Variants in PRL observed in about 807,000 individuals in gnomAD.
The protein encoded by PRL is prolactin.
In PRL, 24 loss-of-function variants were observed where a neutral mutation model predicts 21.3. The ratio of observed to expected loss-of-function variants is 1.13; its 90% CI spans 0.82 to 1.59. The LOEUF (loss-of-function observed/expected upper bound fraction) is 1.59, where lower values mean the gene tolerates loss of function less well. PRL is among the 40% of genes most tolerant of loss of function. The pLI is 0.00. For synonymous variants in PRL, 118 were observed against 115.7 expected, an observed-to-expected ratio of 1.02 and a Z score of -0.13; for missense variants, 243 against 286.9, an observed-to-expected ratio of 0.85 and a Z score of 1.10.
chr6:22,293,894 T>C (rs1378722514), intron 2 of PRL, among the ~76,000 whole-genome samples: 2 of 152,234 alleles, frequency 1.3e-5, no homozygotes, highest in Non-Finnish European at 2.9e-5. Flanking sequence ...ACCCATATAC[T>C]GAAATCTCAG....
chr6:22,297,589 A>T (rs1301700756), upstream of PRL: 1 of 152,370 alleles, frequency 6.6e-6, no homozygotes, highest in African/African-American at 2.4e-5. Context: ...TATCTTTTTG[A>T]AATACACATT....
chr6:22,289,388 T>C (rs1760999882), intron 4 of PRL, among the ~76,000 whole-genome samples: 2 of 152,202 alleles, frequency 1.3e-5, no homozygotes, highest in South Asian at 4.1e-4. Context: ...GCTGTTTAGG[T>C]ATTATCTCAC....
intron 4 of PRL, 35 bp downstream of exon 4, chr6:22,290,139 T>C (rs1044136782): frequency 6.7e-7 from 1 of 1,494,780 alleles, no homozygotes; most frequent in Non-Finnish European, 9.0e-7. Flanking sequence ...CTTATATTAA[T>C]GAGAAAAACA....
At chr6:22,292,441 T>G (rs1761069421) in intron 3 of PRL, 97 bp downstream of exon 3, 1 of 1,127,972 alleles carries the variant, frequency 8.9e-7, no homozygotes, top group Non-Finnish European at 1.3e-6. Context: ...TTTCTCTGCA[T>G]GTACAATTAC....
intron 2 of PRL, among the ~76,000 whole-genome samples, chr6:22,292,850 T>G (rs73389173): frequency 0.012 from 1,755 of 152,308 alleles, 29 homozygotes; most frequent in African/African-American, 0.04. Context: ...TTCATCTAGT[T>G]TTCATAAATA....
intron 2 of PRL, 29 bp downstream of exon 2, chr6:22,294,380 A>G (rs1761128709): frequency 6.2e-7 from 1 of 1,612,372 alleles, no homozygotes; most frequent in East Asian, 2.2e-5. Flanking sequence ...AGGCTCCTTC[A>G]GGGAGGAAGC....
chr6:22,301,923 A>G (rs551380383), upstream of PRL, among the ~76,000 whole-genome samples: 522 of 152,304 alleles, frequency 3.4e-3, 3 homozygotes, highest in African/African-American at 0.01. Flanking sequence ...TCAAACAAGT[A>G]TAATACTAGG....
At chr6:22,291,852 T>A (rs1761056434) in intron 3 of PRL, among the ~76,000 whole-genome samples, 1 of 152,194 alleles carries the variant, frequency 6.6e-6, no homozygotes, top group Non-Finnish European at 1.5e-5. Flanking sequence ...AAGGAAGAGA[T>A]CATAGCAATA....
At chr6:22,298,877 G>A (rs1472728845), upstream of PRL, among the ~76,000 whole-genome samples, 3 of 152,130 alleles carry the variant, frequency 2.0e-5, no homozygotes, top group Admixed American at 2.0e-4. Context: ...TTCTTGGATA[G>A]CCAGGATAAG....
At chr6:22,298,477 C>T (rs1200528228), upstream of PRL, among the ~76,000 whole-genome samples, 1 of 152,094 alleles carries the variant, frequency 6.6e-6, no homozygotes, top group Non-Finnish European at 1.5e-5. Flanking sequence ...TTCCTTAGTT[C>T]CTAGAGCCAC....
At chr6:22,294,874 G>C (rs1761142615) in intron 1 of PRL, among the ~76,000 whole-genome samples, 1 of 152,170 alleles carries the variant, frequency 6.6e-6, no homozygotes, top group South Asian at 2.1e-4. Context: ...AATTAATTCT[G>C]AGCTAGGGTG....
In PRL at chr6:22,294,511, G is replaced by T. The variant is rs781674081; in HGVS notation, c.102C>A (p.Gly34=). Residue 34 remains glycine, a synonymous_variant, in exon 2 of 5, where the codon GGC becomes GGA. Transcript: ENST00000306482. ...QSVAPLPICP[G]GAARCQVTLR... is the part of the protein sequence containing the mutation. ...GGGTCACCTGGCATCGGGCAGCCCCGCCGGGACAGATGGGCAAGGGGGCCA... is the reference window on the plus strand; with the variant it reads ...GGGTCACCTGGCATCGGGCAGCCCCTCCGGGACAGATGGGCAAGGGGGCCA... The T allele has an allele frequency of 2.5e-6, 4 of 1,614,076 alleles. No individual in the cohort carries two copies. Among genetic ancestry groups the T allele is most frequent in the Non-Finnish European group, 3.4e-6 (4 of 1,180,000 alleles).
chr6:22,300,478 T>G (rs948694950), upstream of PRL, among the ~76,000 whole-genome samples: 2 of 152,226 alleles, frequency 1.3e-5, no homozygotes, highest in African/African-American at 4.8e-5. Flanking sequence ...TGTCATTTTA[T>G]TTTTCTGTCT....
upstream of PRL, among the ~76,000 whole-genome samples, chr6:22,302,075 T>C (rs998165691): frequency 3.3e-5 from 5 of 152,170 alleles, no homozygotes; most frequent in African/African-American, 1.2e-4. Flanking sequence ...AAAATACACT[T>C]GTTATCAACA....
chr6:22,292,620 C>T lies in PRL; in HGVS notation c.230G>A (p.Gly77Glu). 1.2e-6 allele frequency: 2 copies of T among 1,613,910 alleles called. No homozygotes were observed. Among genetic ancestry groups the T allele is most frequent in the Non-Finnish European group, 1.7e-6 (2 of 1,179,972 alleles). ...EFDKRYTHGR[G>E]FITKAINSCH... is the part of the protein sequence containing the mutation. ...GCTGTTGATGGCCTTGGTAATGAAC[C>T]CCCGGCCATGGGTATACCGTTTATC... Residue 77 changes from glycine (G) to glutamate (E), a missense_variant, in exon 3 of 5, where the codon GGG becomes GAG. Coordinates refer to ENST00000306482, the MANE Select transcript of PRL (RefSeq NM_000948.6).
rs1029229505 is a variant in PRL, at chr6:22,288,449, C to T, written c.493-856G>A. Among the ~76,000 whole-genome samples the T allele has an allele frequency of 7.2e-5, 11 of 151,844 alleles. No homozygotes were observed. The highest frequency in any genetic ancestry group is 2.1e-4 in the South Asian group (1 of 4,812). On this transcript the variant is annotated intron_variant, in intron 4 of 4. Transcript: ENST00000306482. The surrounding 1 kb of genome is among the most constrained non-coding windows in gnomAD (Gnocchi z 4.5). ...ACTTGGGAGGCTGAGGCATGAGGAT[C>T]GCTTGAACCCAGGAGGCAGAGATTG... is the stretch of plus-strand genomic sequence containing the variant.
Position 22,296,951 on chromosome 6 carries a change from A to G in PRL, c.28+4T>C, listed in dbSNP as rs1761192199. The G allele has an allele frequency of 1.9e-6, 3 of 1,613,990 alleles. No homozygotes were observed. Among genetic ancestry groups the G allele is most frequent in the Non-Finnish European group, 2.5e-6 (3 of 1,179,888 alleles). ...CCAACAACGCAGTGAGTTGTCACACATACCTTTCCATGGCGATCCTTTGAT... is the reference window on the plus strand; with the variant it reads ...CCAACAACGCAGTGAGTTGTCACACGTACCTTTCCATGGCGATCCTTTGAT... On this transcript the variant is annotated splice_donor_region_variant and intron_variant, in intron 1 of 4. Transcript: ENST00000306482.
intron 4 of PRL, among the ~76,000 whole-genome samples, chr6:22,287,882 A>T (rs537381131): frequency 2.6e-5 from 4 of 152,326 alleles, no homozygotes; most frequent in Admixed American, 6.5e-5. Flanking sequence ...AAATATTGAC[A>T]TAGATTTGAC....
At chr6:22,292,389 A>G in intron 3 of PRL, 149 bp downstream of exon 3, 1 of 727,740 alleles carries the variant, frequency 1.4e-6, no homozygotes, top group Non-Finnish European at 2.4e-6. Flanking sequence ...TATTTCATCA[A>G]CTACATAATG....
Sources: gnomAD v4.1 joint callset for allele counts (sites outside exome capture counted in the v4.1 genomes callset) on GRCh38, gnomAD v4.1.1 for gene constraint, Gnocchi (gnomAD v3.1) non-coding constraint, MANE v1.5 for transcripts, NCBI Gene and HGNC (gene_info 2026-07-23, HGNC 2026-07-21) for gene names.